The following CACNA2D1 variants were observed in gnomAD, a reference collection of about 807,000 sequenced individuals.
The protein encoded by CACNA2D1 is voltage-dependent calcium channel subunit alpha-2/delta-1.
In CACNA2D1, 53 loss-of-function variants were observed where a neutral mutation model predicts 171.5. The observed-to-expected ratio is 0.31, with a 90% confidence interval of 0.25 to 0.39. The LOEUF is 0.39. CACNA2D1 is among the 10% of genes least tolerant of loss of function. The probability of loss-of-function intolerance (pLI) is 1.00; values close to 1 mark genes in which losing one functional copy is unlikely to be tolerated. For missense variants in CACNA2D1, 903 were observed against 1,299.8 expected (o/e 0.69, Z 4.69); for synonymous variants, 442 against 443.1 (o/e 1.00, Z 0.03).
Position 82,277,104 on chromosome 7 carries a change from G to A in CACNA2D1, c.294+58031C>T, listed in dbSNP as rs188548189. Among the ~76,000 whole-genome samples the A allele has an allele frequency of 4.3e-3, 654 of 152,108 alleles. 7 individuals are homozygous for A. Among genetic ancestry groups the A allele is most frequent in the African/African-American group, 0.015 (617 of 41,500 alleles). On this transcript the variant is annotated intron_variant, in intron 3 of 38. Transcript: ENST00000356860. Reference sequence around the variant, plus strand: ...TGGCCATTTAGAGATCGTTCAAAACGCTAGCAGCTAAAACACAATGGTTTT... The same window carrying A: ...TGGCCATTTAGAGATCGTTCAAAACACTAGCAGCTAAAACACAATGGTTTT...
At chr7:82,429,965 ATTTG>A (rs1452379241) in intron 1 of CACNA2D1, among the ~76,000 whole-genome samples, 1 of 152,194 alleles carries the variant, frequency 6.6e-6, no homozygotes, top group Non-Finnish European at 1.5e-5. Context: ...CATATGGCCC[ATTTG>A]TTTAAGTCCC....
intron 5 of CACNA2D1, among the ~76,000 whole-genome samples, chr7:82,131,908 T>A (rs999809131): frequency 6.6e-6 from 1 of 152,148 alleles, no homozygotes; most frequent in Non-Finnish European, 1.5e-5. Flanking sequence ...TCCAATTAAA[T>A]CCACCCTGTA....
intron 1 of CACNA2D1, among the ~76,000 whole-genome samples, chr7:82,411,417 A>C (rs1827643822): frequency 6.6e-6 from 1 of 152,204 alleles, no homozygotes; most frequent in Non-Finnish European, 1.5e-5. Context: ...TTGAGACCAG[A>C]ATTAAATAAT....
At chr7:82,242,792 T>C (rs1804465868) in intron 3 of CACNA2D1, among the ~76,000 whole-genome samples, 1 of 101,580 alleles carries the variant, frequency 9.8e-6, no homozygotes, top group South Asian at 3.2e-4. Context: ...TCCAAATCAA[T>C]TTTATGAGTC....
At chr7:82,432,066 G>C (rs952039710) in intron 1 of CACNA2D1, among the ~76,000 whole-genome samples, 4 of 124,862 alleles carry the variant, frequency 3.2e-5, no homozygotes, top group African/African-American at 1.5e-4. Flanking sequence ...AAATTGGAGA[G>C]TACTAATTAA....
At position 82,349,653 on chromosome 7, in the gene CACNA2D1, C is replaced by T. The variant is rs762134092; in HGVS notation, c.96-4G>A. ...CTTATCCACCCATGATTTGATACTG[C>T]AGAAATCAGAAAAGATTATGTTCTA... is the stretch of plus-strand genomic sequence containing the variant. On this transcript the variant is annotated splice_polypyrimidine_tract_variant and splice_region_variant and intron_variant, in intron 1 of 38. Transcript: ENST00000356860. The T allele has an allele frequency of 3.7e-6, 6 of 1,607,370 alleles. No individual in the cohort carries two copies. The East Asian group carries it at 1.3e-4, about 36-fold the overall frequency.
At chr7:81,961,300 T>C (rs1302925562) in intron 36 of CACNA2D1, among the ~76,000 whole-genome samples, 1 of 152,000 alleles carries the variant, frequency 6.6e-6, no homozygotes, top group Non-Finnish European at 1.5e-5. Context: ...TCTCCATCTC[T>C]TTTTAAAAGA....
intron 1 of CACNA2D1, among the ~76,000 whole-genome samples, chr7:82,415,509 G>A (rs1279560648): frequency 2.0e-5 from 3 of 151,524 alleles, no homozygotes; most frequent in African/African-American, 7.3e-5. Context: ...TAGCCTGGGC[G>A]ACAAGAGTGA....
intron 12 of CACNA2D1, 64 bp downstream of exon 12, chr7:82,032,733 C>A: frequency 2.3e-6 from 2 of 856,368 alleles, no homozygotes; most frequent in South Asian, 3.1e-5. Flanking sequence ...TACCACTACC[C>A]ACTATCTCTT....
At chr7:82,292,688 A>G (rs898669360) in intron 3 of CACNA2D1, among the ~76,000 whole-genome samples, 1 of 152,068 alleles carries the variant, frequency 6.6e-6, no homozygotes, top group Admixed American at 6.6e-5. Flanking sequence ...TGGAGCTGTA[A>G]TATAATTTCT....
At chr7:82,183,859 A>C (rs1187376772) in intron 3 of CACNA2D1, among the ~76,000 whole-genome samples, 1 of 152,046 alleles carries the variant, frequency 6.6e-6, no homozygotes, top group Non-Finnish European at 1.5e-5. Context: ...TTAATTTTGC[A>C]ATAATGATTT....
chr7:82,058,566 G>A (rs796827324), intron 10 of CACNA2D1, among the ~76,000 whole-genome samples: 9 of 152,206 alleles, frequency 5.9e-5, no homozygotes, highest in Admixed American at 1.3e-4. Context: ...GTTGAAATAC[G>A]TAGTGAGCTG....
chr7:82,055,606 C>G (rs1805741621), intron 10 of CACNA2D1, among the ~76,000 whole-genome samples: 1 of 151,358 alleles, frequency 6.6e-6, no homozygotes, highest in African/African-American at 2.4e-5. Context: ...AGTTCATGTC[C>G]TTTGTAGGGA....
intron 5 of CACNA2D1, among the ~76,000 whole-genome samples, chr7:82,134,981 A>G (rs2129075315): frequency 6.6e-6 from 1 of 152,278 alleles, no homozygotes; most frequent in East Asian, 1.9e-4. Context: ...TCTTGAACAA[A>G]AGAAAATCAC....
intron 10 of CACNA2D1, among the ~76,000 whole-genome samples, chr7:82,053,335 C>G (rs1349874739): frequency 6.6e-6 from 1 of 150,428 alleles, no homozygotes. Flanking sequence ...AAATAATGAA[C>G]ACGTGTTTAC....
chr7:82,222,207 G>C (rs1801846223), intron 3 of CACNA2D1, among the ~76,000 whole-genome samples: 1 of 152,180 alleles, frequency 6.6e-6, no homozygotes, highest in African/African-American at 2.4e-5. Flanking sequence ...GCCCCAAGAA[G>C]AGTTACTACT....
At chr7:82,340,350 T>G (rs1429993101) in intron 2 of CACNA2D1, among the ~76,000 whole-genome samples, 3 of 151,936 alleles carry the variant, frequency 2.0e-5, no homozygotes, top group East Asian at 1.9e-4. Flanking sequence ...TGTTTTTTTT[T>G]TTTTTTAATA....
intron 24 of CACNA2D1, among the ~76,000 whole-genome samples, chr7:81,978,903 G>A (rs1031391169): frequency 2.0e-5 from 3 of 151,472 alleles, no homozygotes; most frequent in Admixed American, 6.6e-5. Flanking sequence ...TGTCCCACAA[G>A]CCAAATACTC....
At chr7:82,082,007 C>A (rs1809840495) in intron 7 of CACNA2D1, among the ~76,000 whole-genome samples, 1 of 152,198 alleles carries the variant, frequency 6.6e-6, no homozygotes, top group Non-Finnish European at 1.5e-5. Flanking sequence ...AACGTGGTGG[C>A]ACCCAGGCAG....
Sources: gnomAD v4.1 joint callset for allele counts (sites outside exome capture counted in the v4.1 genomes callset) on GRCh38, gnomAD v4.1.1 for gene constraint, MANE v1.5 for transcripts, NCBI Gene and HGNC (gene_info 2026-07-23, HGNC 2026-07-21) for gene names.